PRKG1: variants seen among roughly 807,000 people sequenced by gnomAD.
PRKG1 encodes protein kinase cGMP-dependent 1.
A neutral mutation model predicts 88.1 loss-of-function variants in PRKG1; 35 were observed. That is an observed-to-expected ratio of 0.40 (90% CI 0.30 to 0.53). PRKG1 has a LOEUF of 0.53. Among genes scored for constraint, PRKG1 ranks in the 20% least tolerant of loss-of-function variants. PRKG1 has a pLI of 0.59. For missense variants in PRKG1, 540 were observed against 839.8 expected (o/e 0.64, Z 4.41); for synonymous variants, 303 against 292.5 (o/e 1.04, Z -0.37).
At chr10:51,132,866 A>G (rs1188270853) in intron 1 of PRKG1, among the ~76,000 whole-genome samples, 1 of 152,000 alleles carries the variant, frequency 6.6e-6, no homozygotes, top group Non-Finnish European at 1.5e-5. Flanking sequence ...GCTTCATTTA[A>G]TTATGCCACA....
At chr10:51,831,203 T>A (rs551925873) in intron 4 of PRKG1, among the ~76,000 whole-genome samples, 1 of 152,258 alleles carries the variant, frequency 6.6e-6, no homozygotes, top group Non-Finnish European at 1.5e-5. Context: ...AAATCCAGAG[T>A]ACTTTTACAA....
chr10:51,539,484 A>G (rs942558833), intron 3 of PRKG1, among the ~76,000 whole-genome samples: 1 of 152,194 alleles, frequency 6.6e-6, no homozygotes, highest in South Asian at 2.1e-4. Context: ...ATCTTTTCTC[A>G]GTTAGTGCAA....
At chr10:51,865,406 T>TTTC (rs113819293) in intron 4 of PRKG1, among the ~76,000 whole-genome samples, 13,962 of 152,076 alleles carry the variant, frequency 0.092, 823 homozygotes, top group African/African-American at 0.16. Context: ...GAAGAATATT[T>TTTC]TTCTTTCTAT....
chr10:51,184,399 T>A (rs1026608980), intron 2 of PRKG1, among the ~76,000 whole-genome samples: 1 of 152,246 alleles, frequency 6.6e-6, no homozygotes, highest in Non-Finnish European at 1.5e-5. Context: ...TTGCTTTTTG[T>A]TCCATTACCA....
chr10:51,354,623 G>A (rs1046503870), intron 2 of PRKG1, among the ~76,000 whole-genome samples: 3 of 152,028 alleles, frequency 2.0e-5, no homozygotes, highest in Admixed American at 6.6e-5. Flanking sequence ...CTAACATCCT[G>A]TTTCCAACTG....
intron 5 of PRKG1, among the ~76,000 whole-genome samples, chr10:51,925,544 G>C (rs1842556530): frequency 1.3e-5 from 2 of 152,106 alleles, no homozygotes; most frequent in African/African-American, 4.8e-5. Context: ...TTCCAGGTTG[G>C]TTAATCCTTG....
At chr10:51,728,474 T>G (rs4429014) in intron 3 of PRKG1, among the ~76,000 whole-genome samples, 51,512 of 142,084 alleles carry the variant, frequency 0.36, 9,615 homozygotes, top group Middle Eastern at 0.5. Context: ...TTTTTTTTTT[T>G]TTTTTTAATC....
chr10:51,333,733 C>A (rs1841797646), intron 2 of PRKG1, among the ~76,000 whole-genome samples: 1 of 152,186 alleles, frequency 6.6e-6, no homozygotes, highest in Non-Finnish European at 1.5e-5. Context: ...CATGATTTTT[C>A]ATGCTTTCAC....
chr10:52,181,701 G>A (rs1231017251), intron 9 of PRKG1, among the ~76,000 whole-genome samples: 1 of 86,360 alleles, frequency 1.2e-5, no homozygotes. Flanking sequence ...TTTTGTTCTT[G>A]CGATAGTTTA....
intron 3 of PRKG1, among the ~76,000 whole-genome samples, chr10:51,797,567 ATTATT>A (rs1221953645): frequency 2.7e-5 from 4 of 147,068 alleles, no homozygotes; most frequent in African/African-American, 4.9e-5. Context: ...ATTTTATTAT[ATTATT>A]TTATGTTATA....
chr10:51,740,363 C>T (rs78965724), intron 3 of PRKG1, among the ~76,000 whole-genome samples: 2,622 of 152,160 alleles, frequency 0.017, 66 homozygotes, highest in African/African-American at 0.058. Flanking sequence ...ATAGCTATTG[C>T]TATTATAGGG....
Position 52,145,258 on chromosome 10 carries a change from C to T in PRKG1, c.1001+11353C>T, listed in dbSNP as rs369877389. Among the ~76,000 whole-genome samples the T allele has an allele frequency of 5.9e-5, 9 of 151,868 alleles. No individual in the cohort carries two copies. The East Asian group carries it at 7.7e-4, about 13-fold the overall frequency. On this transcript the variant is annotated intron_variant, in intron 8 of 17. Coordinates refer to ENST00000373980, the MANE Select transcript of PRKG1 (RefSeq NM_006258.4). ...AATGAATAAATAATTCATTTTTTTC[C>T]AGTAAATGCTTGAAACCTTACTATA...
At chr10:51,369,052 T>C (rs557692947) in intron 2 of PRKG1, among the ~76,000 whole-genome samples, 35 of 152,134 alleles carry the variant, frequency 2.3e-4, no homozygotes, top group Non-Finnish European at 4.3e-4. Context: ...AGTGAGATTA[T>C]ATACCTGGAG....
At chr10:51,960,818 A>G (rs1173085003) in intron 5 of PRKG1, among the ~76,000 whole-genome samples, 1 of 152,178 alleles carries the variant, frequency 6.6e-6, no homozygotes, top group Non-Finnish European at 1.5e-5. Context: ...CGACTTCCCC[A>G]GTTCGTGGTT....
intron 4 of PRKG1, among the ~76,000 whole-genome samples, chr10:51,888,404 C>T (rs1841627408): frequency 6.6e-6 from 1 of 152,212 alleles, no homozygotes; most frequent in Non-Finnish European, 1.5e-5. Context: ...TCTTTCCCAT[C>T]ATACTGTACT....
At chr10:51,944,229 A>C (rs1842974158) in intron 5 of PRKG1, among the ~76,000 whole-genome samples, 1 of 152,118 alleles carries the variant, frequency 6.6e-6, no homozygotes, top group African/African-American at 2.4e-5. Flanking sequence ...TAGATTTTCT[A>C]GTTTATTTGC....
chr10:51,075,129 T>TGTGTC (rs1456114284), intron 1 of PRKG1, among the ~76,000 whole-genome samples: 1 of 152,228 alleles, frequency 6.6e-6, no homozygotes, highest in African/African-American at 2.4e-5. Context: ...AGGTATTATT[T>TGTGTC]TTAAATATAC....
intron 3 of PRKG1, among the ~76,000 whole-genome samples, chr10:51,772,064 A>T (rs1409537983): frequency 6.6e-6 from 1 of 152,164 alleles, no homozygotes; most frequent in East Asian, 1.9e-4. Flanking sequence ...TCGACTTTTG[A>T]TATTTCAAGT....
intron 4 of PRKG1, among the ~76,000 whole-genome samples, chr10:51,850,200 A>G (rs560289604): frequency 6.6e-6 from 1 of 152,284 alleles, no homozygotes; most frequent in East Asian, 1.9e-4. Flanking sequence ...TTTTGAGATG[A>G]AGTTTTGCTC....
Sources: allele counts gnomAD v4.1 joint callset (sites outside exome capture counted in the v4.1 genomes callset), GRCh38; gene constraint gnomAD v4.1.1; transcripts MANE v1.5; gene names NCBI Gene and HGNC (gene_info 2026-07-23, HGNC 2026-07-21).